Variants in GATA4 observed in about 807,000 individuals in gnomAD.
GATA4 encodes the protein transcription factor GATA-4.
In GATA4, 7 loss-of-function variants were observed where a neutral mutation model predicts 37.9. The observed-to-expected ratio is 0.18, with a 90% CI of 0.11 to 0.35. GATA4 has a LOEUF of 0.35. Ranked by LOEUF, GATA4 falls within the 10% of genes least tolerant of loss-of-function variation. The pLI, the probability that GATA4 is intolerant of heterozygous loss-of-function variation, is 1.00. For synonymous variants in GATA4, 372 were observed against 292.6 expected (o/e 1.27, Z -2.77); for missense variants, 647 against 653.0 (o/e 0.99, Z 0.10).
intron 2 of GATA4, among the ~76,000 whole-genome samples, chr8:11,741,548 C>G (rs146464952): frequency 2.6e-5 from 4 of 152,126 alleles, no homozygotes; most frequent in Admixed American, 6.6e-5. Flanking sequence ...GGACTTAGCT[C>G]TATGGCATTG....
intron 2 of GATA4, among the ~76,000 whole-genome samples, chr8:11,748,431 AAT>A (rs760358506): frequency 6.6e-6 from 1 of 152,224 alleles, no homozygotes; most frequent in Non-Finnish European, 1.5e-5. Context: ...CAAAGGATAC[AAT>A]AGAACCAAAT....
intron 2 of GATA4, among the ~76,000 whole-genome samples, chr8:11,713,615 CTG>C (rs1275039338): frequency 1.3e-5 from 2 of 149,528 alleles, no homozygotes; most frequent in African/African-American, 2.5e-5. Context: ...TGGAGTATGA[CTG>C]TGTCCAAATT....
At chr8:11,736,685 T>C (rs911022529) in intron 2 of GATA4, among the ~76,000 whole-genome samples, 6 of 152,242 alleles carry the variant, frequency 3.9e-5, no homozygotes, top group African/African-American at 1.4e-4. Flanking sequence ...GTCTTTAATG[T>C]TGGGCTTCCT....
chr8:11,730,962 C>T (rs1320753575), intron 2 of GATA4, among the ~76,000 whole-genome samples: 2 of 152,260 alleles, frequency 1.3e-5, no homozygotes, highest in Admixed American at 1.3e-4. Flanking sequence ...GTGCAGCCCG[C>T]GTGCCTGGAC....
intron 2 of GATA4, among the ~76,000 whole-genome samples, chr8:11,725,331 A>G (rs753131146): frequency 6.6e-6 from 1 of 152,204 alleles, no homozygotes; most frequent in Non-Finnish European, 1.5e-5. Context: ...CATTTTGAGT[A>G]GGTTGTGAAA....
chr8:11,682,176 T>A (rs934634855), intron 1 of GATA4, among the ~76,000 whole-genome samples: 6 of 152,222 alleles, frequency 3.9e-5, no homozygotes, highest in Admixed American at 1.3e-4. Flanking sequence ...ACAAGATTGA[T>A]TCACTCAAAA....
At chr8:11,701,833 GTGGGT>G (rs1799686368), upstream of GATA4, among the ~76,000 whole-genome samples, 1 of 151,742 alleles carries the variant, frequency 6.6e-6, no homozygotes, top group East Asian at 1.9e-4. Context: ...AGCGGAAGGT[GTGGGT>G]AAAGGACCGG....
At chr8:11,712,583 G>T (rs1053055037) in intron 2 of GATA4, among the ~76,000 whole-genome samples, 8 of 151,884 alleles carry the variant, frequency 5.3e-5, no homozygotes, top group Admixed American at 5.2e-4. Flanking sequence ...GAGGCCAGGT[G>T]CAGTGGCTCA....
intron 2 of GATA4, among the ~76,000 whole-genome samples, chr8:11,711,565 G>C (rs916102231): frequency 6.6e-6 from 1 of 152,034 alleles, no homozygotes; most frequent in Non-Finnish European, 1.5e-5. Flanking sequence ...ATCATTTGAG[G>C]CCAGGAGTTC....
chr8:11,759,073 A>G lies in GATA4; in HGVS notation c.*598A>G. ...TAACCCACCACAGCACAGCCTCATC[A>G]AAATGCAGCTGGCAACTTCTCCCCC... On this transcript the variant is annotated 3_prime_UTR_variant, in exon 7 of 7. Coordinates refer to ENST00000532059, the MANE Select transcript of GATA4 (RefSeq NM_001308093.3). 1 of 159,534 alleles carries G rather than the reference A, an allele frequency of 6.3e-6. No homozygotes were observed. The highest frequency in any genetic ancestry group is 1.8e-4 in the South Asian group (1 of 5,452). The allele number at this position is 159,534 out of a possible 1,614,324, so 9.9% of individuals were successfully genotyped here. A position where few individuals can be genotyped will look rare whatever the true frequency, so the allele number is the denominator to read the frequency against.
chr8:11,697,431 G>T (rs1799538831), intron 1 of GATA4: 1 of 440,680 alleles, frequency 2.3e-6, no homozygotes, highest in Non-Finnish European at 3.0e-6. Context: ...ACAAGAAACC[G>T]ATGATTTCTA....
At chr8:11,710,539 A>G (rs2130085157) in intron 2 of GATA4, among the ~76,000 whole-genome samples, 1 of 151,504 alleles carries the variant, frequency 6.6e-6, no homozygotes, top group Non-Finnish European at 1.5e-5. Context: ...AAAAAAAAAA[A>G]AATTAGCGGT....
At position 11,705,044 on chromosome 8, in the gene GATA4, C is replaced by T. The variant is rs560062276; in HGVS notation, c.-458+740C>T. ...CCGGGTTATGTCGCTTGGCTTTGGG[C>T]TCAGGGGTCACCGTGGGCAGAGGGG... On this transcript the variant is annotated intron_variant, in intron 1 of 6. Transcript: ENST00000532059. Among the ~76,000 whole-genome samples the T allele has an allele frequency of 2.1e-3, 326 of 152,352 alleles. 1 individual carries two copies. The highest frequency in any genetic ancestry group is 7.5e-3 in the African/African-American group (312 of 41,588).
chr8:11,752,451 G>T (rs762309371), intron 4 of GATA4, among the ~76,000 whole-genome samples: 5 of 152,078 alleles, frequency 3.3e-5, no homozygotes, highest in Admixed American at 1.3e-4. Flanking sequence ...AAGCAAAAGG[G>T]GTTTCCCCTT....
chr8:11,693,592 G>C (rs1047804350), intron 1 of GATA4, among the ~76,000 whole-genome samples: 4 of 149,090 alleles, frequency 2.7e-5, no homozygotes, highest in Non-Finnish European at 6.0e-5. Context: ...GAGAGAGAGA[G>C]AGACAGAGGA....
At chr8:11,736,626 G>T (rs1801471780) in intron 2 of GATA4, among the ~76,000 whole-genome samples, 1 of 152,240 alleles carries the variant, frequency 6.6e-6, no homozygotes. Context: ...TGGAGGAGTG[G>T]TGGGCAGAAG....
Position 11,758,576 on chromosome 8 carries a change from T to A in GATA4, c.*101T>A. The A allele has an allele frequency of 8.9e-7, 1 of 1,123,334 alleles. No homozygotes were observed. The highest frequency in any genetic ancestry group is 1.3e-6 in the Non-Finnish European group (1 of 740,912). 69.6% of individuals were successfully genotyped at this position (1,123,334 alleles called of 1,614,324 possible). A position where few individuals can be genotyped will look rare whatever the true frequency, so the allele number is the denominator to read the frequency against. ...CCAGGGGCCGGCCTCCTCTGCCTGG[T>A]AATGACTCCAGAACAACAACTGGGA... On this transcript the variant is annotated 3_prime_UTR_variant, in exon 7 of 7. Transcript: ENST00000532059.
At chr8:11,690,967 C>T (rs1188235825), upstream of GATA4, among the ~76,000 whole-genome samples, 3 of 152,212 alleles carry the variant, frequency 2.0e-5, no homozygotes, top group Non-Finnish European at 2.9e-5. Context: ...AGTCAACCTA[C>T]TTGAATTTAA....
rs561484101 is a variant in GATA4, at chr8:11,687,313, A to G, written c.-274+10250A>G. Among the ~76,000 whole-genome samples the G allele has an allele frequency of 3.3e-5, 5 of 152,278 alleles. No homozygotes were observed. The South Asian group carries it at 1.0e-3, about 32-fold the overall frequency. On this transcript the variant is annotated intron_variant, in intron 1 of 6. Transcript: ENST00000528712. ...CAGGCACAGTTTTTTTTAGGCATCCATAGACCACCCTCCCCCCGCAGAGAA... is the reference window on the plus strand; with the variant it reads ...CAGGCACAGTTTTTTTTAGGCATCCGTAGACCACCCTCCCCCCGCAGAGAA...
Sources: allele counts gnomAD v4.1 joint callset (sites outside exome capture counted in the v4.1 genomes callset), GRCh38; gene constraint gnomAD v4.1.1; transcripts MANE v1.5; gene names NCBI Gene and HGNC (gene_info 2026-07-23, HGNC 2026-07-21).